VPS26A: variants seen among roughly 807,000 people sequenced by gnomAD.
The protein encoded by VPS26A is vacuolar protein sorting-associated protein 26A.
A neutral mutation model predicts 42.4 loss-of-function variants in VPS26A; 22 were observed. The observed-to-expected ratio is 0.52, with a 90% CI of 0.37 to 0.74. The LOEUF is 0.74. VPS26A is among the 30% of genes least tolerant of loss of function. VPS26A has a pLI of 0.00. For missense variants in VPS26A, 276 were observed against 379.2 expected, an observed-to-expected ratio of 0.73 and a Z score of 2.26; for synonymous variants, 110 against 123.5, an observed-to-expected ratio of 0.89 and a Z score of 0.73.
intron 1 of VPS26A, among the ~76,000 whole-genome samples, chr10:69,127,093 A>ATTTTTTTTTTTTTTTTTTTT (rs71035057): frequency 1.3e-4 from 13 of 97,534 alleles, no homozygotes; most frequent in Non-Finnish European, 1.8e-4. Context: ...CACCCGGCCA[A>ATTTTTTTTTTTTTTTTTTTT]TTTTTTTTTT....
rs571942225 is a variant in VPS26A, at chr10:69,132,704, A to T, written c.4-194A>T. On this transcript the variant is annotated intron_variant, in intron 1 of 8. Transcript: ENST00000263559. ...GTGATCCGCCCACCTCAGCCTCCCA[A>T]AGTGCTGGGTTTACAGGCGTGAGAC... is the stretch of plus-strand genomic sequence containing the variant. Among the ~76,000 whole-genome samples, 9 of 152,110 alleles carry T rather than the reference A, an allele frequency of 5.9e-5. No individual in the cohort carries two copies. In the East Asian group the frequency reaches 1.5e-3, roughly 26 times the overall value.
At chr10:69,124,856 C>T (rs998297515) in intron 1 of VPS26A, among the ~76,000 whole-genome samples, 9 of 152,328 alleles carry the variant, frequency 5.9e-5, no homozygotes, top group African/African-American at 2.2e-4. Context: ...TGGGGGATAT[C>T]TTTAACTCCA....
chr10:69,167,844 T>C (rs1253062757), intron 7 of VPS26A, among the ~76,000 whole-genome samples: 1 of 150,796 alleles, frequency 6.6e-6, no homozygotes, highest in Non-Finnish European at 1.5e-5. Context: ...TAAAAGAATG[T>C]CATCATTCTG....
chr10:69,151,608 C>CTTAA (rs976633189), intron 2 of VPS26A, among the ~76,000 whole-genome samples: 6 of 152,126 alleles, frequency 3.9e-5, no homozygotes, highest in Admixed American at 1.3e-4. Flanking sequence ...TACAATAAGG[C>CTTAA]TTAAAAGCAA....
At chr10:69,167,088 C>T (rs1320174265) in intron 7 of VPS26A, among the ~76,000 whole-genome samples, 1 of 143,762 alleles carries the variant, frequency 7.0e-6, no homozygotes, top group African/African-American at 2.6e-5. Flanking sequence ...GATCATGCCA[C>T]TGCACTCCAG....
chr10:69,149,020 T>TG (rs1181704053), intron 2 of VPS26A, among the ~76,000 whole-genome samples: 1 of 152,138 alleles, frequency 6.6e-6, no homozygotes, highest in African/African-American at 2.4e-5. Context: ...CCTCCCAAAG[T>TG]GCTGGGATTA....
intron 2 of VPS26A, chr10:69,133,624 C>G: frequency 7.8e-7 from 1 of 1,287,262 alleles, no homozygotes; most frequent in Non-Finnish European, 1.0e-6. Flanking sequence ...CTTTTTTCCC[C>G]TTTTCTTTAT....
chr10:69,139,291 T>G (rs1840989850), intron 2 of VPS26A, among the ~76,000 whole-genome samples: 1 of 152,256 alleles, frequency 6.6e-6, no homozygotes, highest in Admixed American at 6.5e-5. Context: ...TTTGAGTTAT[T>G]TTATTTATTT....
intron 1 of VPS26A, among the ~76,000 whole-genome samples, chr10:69,130,292 A>G (rs561753454): frequency 6.6e-6 from 1 of 152,364 alleles, no homozygotes; most frequent in Admixed American, 6.5e-5. Context: ...AAGCCTTGTG[A>G]AACCTAAATT....
intron 6 of VPS26A, among the ~76,000 whole-genome samples, chr10:69,164,223 C>CT (rs756313883): frequency 0.062 from 8,896 of 144,520 alleles, 933 homozygotes; most frequent in African/African-American, 0.21. Context: ...CCCCCTCCAC[C>CT]TTTTTTTTTT....
intron 1 of VPS26A, 91 bp downstream of exon 1, chr10:69,124,371 G>A: frequency 8.3e-7 from 1 of 1,204,440 alleles, no homozygotes; most frequent in Non-Finnish European, 1.0e-6. Context: ...GTCGCCGGAG[G>A]AGGGGACGGG....
intron 1 of VPS26A, among the ~76,000 whole-genome samples, chr10:69,125,607 T>C (rs926732585): frequency 2.0e-5 from 3 of 152,260 alleles, no homozygotes; most frequent in African/African-American, 7.2e-5. Context: ...TTTGTAATTA[T>C]TACTTTTAAT....
At chr10:69,150,873 A>G (rs1001581246) in intron 2 of VPS26A, among the ~76,000 whole-genome samples, 7 of 152,156 alleles carry the variant, frequency 4.6e-5, no homozygotes, top group Non-Finnish European at 1.0e-4. Flanking sequence ...AATCTGGGTA[A>G]AGGTTATGTG....
chr10:69,137,137 G>A (rs1840930519), intron 2 of VPS26A, among the ~76,000 whole-genome samples: 1 of 152,134 alleles, frequency 6.6e-6, no homozygotes, highest in Non-Finnish European at 1.5e-5. Context: ...TCTTCCAAAG[G>A]TGTAAACTAC....
At position 69,151,218 on chromosome 10, in the gene VPS26A, T is replaced by TCAGGC. The variant is rs1453082587; in HGVS notation, c.154-4591_154-4587dup. On this transcript the variant is annotated intron_variant, in intron 2 of 8. Transcript: ENST00000263559. ...AGGCAGAGCTTGCAGTGAGCTGAGA[T>TCAGGC]CAGGCCACTGCACTCCAGCCTGGGC... is the stretch of plus-strand genomic sequence containing the variant. Among the ~76,000 whole-genome samples, 5 of 139,664 alleles carry TCAGGC rather than the reference T, an allele frequency of 3.6e-5. No individual in the cohort carries two copies. In the East Asian group the frequency reaches 1.0e-3, roughly 29 times the overall value. The allele number at this position is 139,664 out of a possible 152,430, so 91.6% of individuals were successfully genotyped here. A position where few individuals can be genotyped will look rare whatever the true frequency, so the allele number is the denominator to read the frequency against.
At chr10:69,162,723 A>G (rs1255694816) in intron 6 of VPS26A, among the ~76,000 whole-genome samples, 1 of 152,224 alleles carries the variant, frequency 6.6e-6, no homozygotes. Context: ...TTGAATAGGT[A>G]ATAAATTCAC....
chr10:69,134,040 A>G (rs1454350788), intron 2 of VPS26A, among the ~76,000 whole-genome samples: 1 of 152,170 alleles, frequency 6.6e-6, no homozygotes, highest in African/African-American at 2.4e-5. Context: ...GGTCAGTGAT[A>G]GTGGAGAATG....
At chr10:69,127,550 C>G (rs111584134) in intron 1 of VPS26A, among the ~76,000 whole-genome samples, 325 of 146,782 alleles carry the variant, frequency 2.2e-3, no homozygotes, top group African/African-American at 7.5e-3. Flanking sequence ...GAGACTCCAT[C>G]TCAAAAAAAA....
At chr10:69,131,319 G>A (rs1020056196) in intron 1 of VPS26A, among the ~76,000 whole-genome samples, 1 of 152,224 alleles carries the variant, frequency 6.6e-6, no homozygotes, top group Non-Finnish European at 1.5e-5. Context: ...CAGGTGCAGT[G>A]GCTCACGCCC....
Sources: gnomAD v4.1 joint callset for allele counts (sites outside exome capture counted in the v4.1 genomes callset) on GRCh38, gnomAD v4.1.1 for gene constraint, MANE v1.5 for transcripts, NCBI Gene and HGNC (gene_info 2026-07-23, HGNC 2026-07-21) for gene names.